Variants in NRXN2 observed in about 807,000 individuals in gnomAD.
NRXN2 encodes neurexin 2.
A neutral mutation model predicts 128.8 loss-of-function variants in NRXN2; 29 were observed. The observed-to-expected ratio is 0.23, with a 90% CI of 0.17 to 0.31. NRXN2 has a LOEUF of 0.31. Among genes scored for constraint, NRXN2 ranks in the 10% least tolerant of loss-of-function variants. The pLI is 1.00. For synonymous variants in NRXN2, 1,098 were observed against 1,075.2 expected (o/e 1.02, Z -0.41); for missense variants, 1,881 against 2,452.6 (o/e 0.77, Z 4.92).
intron 9 of NRXN2, among the ~76,000 whole-genome samples, chr11:64,663,974 G>A (rs949710866): frequency 2.6e-5 from 4 of 152,186 alleles, no homozygotes; most frequent in African/African-American, 4.8e-5. Flanking sequence ...TCCACTTAAC[G>A]GAGGTACCGA....
intron 15 of NRXN2, 141 bp downstream of exon 15, chr11:64,650,307 G>A: frequency 1.2e-6 from 1 of 836,754 alleles, no homozygotes; most frequent in Non-Finnish European, 2.0e-6. Flanking sequence ...TGTCAGGCTG[G>A]ACATAGTGGA....
chr11:64,623,085 G>A lies in NRXN2; in HGVS notation c.3848-7C>T, dbSNP rs2042605218. ...AAGATGGTCAGCTGGCGGCCTTGCA[G>A]GAGTGGAAGGGGGTGACAGAGAAGG... On this transcript the variant is annotated splice_polypyrimidine_tract_variant and splice_region_variant and intron_variant, in intron 20 of 22. Coordinates refer to ENST00000265459, the MANE Select transcript of NRXN2 (RefSeq NM_015080.4). The surrounding 1 kb of genome is among the most constrained non-coding windows in gnomAD (Gnocchi z 4.9). The A allele has an allele frequency of 6.3e-7, 1 of 1,593,060 alleles. No homozygotes were observed. Among genetic ancestry groups the A allele is most frequent in the Non-Finnish European group, 8.6e-7 (1 of 1,168,948 alleles).
Position 64,713,440 on chromosome 11 carries a change from A to G in NRXN2, c.260T>C (p.Leu87Pro). 1.3e-6 allele frequency: 2 copies of G among 1,515,730 alleles called. No individual in the cohort carries two copies. The highest frequency in any genetic ancestry group is 1.8e-6 in the Non-Finnish European group (2 of 1,139,994). The allele number at this position is 1,515,730 out of a possible 1,614,324, so 93.9% of individuals were successfully genotyped here. A position where few individuals can be genotyped will look rare whatever the true frequency, so the allele number is the denominator to read the frequency against. ...GCACGAAAGCGTGAAGCGCAGCCGCAGGCGGCCGTCCACCAGCAGCAGCTC... is the reference window on the plus strand; with the variant it reads ...GCACGAAAGCGTGAAGCGCAGCCGCGGGCGGCCGTCCACCAGCAGCAGCTC... ...FLELLLVDGR[L>P]RLRFTLSCAE... Residue 87 changes from leucine to proline, a missense_variant, in exon 2 of 23, where the codon CTG (leucine) becomes CCG (proline). Coordinates refer to ENST00000265459, the MANE Select transcript of NRXN2 (RefSeq NM_015080.4).
chr11:64,706,454 A>G (rs997044341), intron 2 of NRXN2, among the ~76,000 whole-genome samples: 1 of 151,402 alleles, frequency 6.6e-6, no homozygotes, highest in Admixed American at 6.6e-5. Context: ...TAGTTTGCTG[A>G]GAATGATGGT....
chr11:64,660,686 A>T lies in NRXN2; in HGVS notation c.2185+67T>A. ...AGGTGGCACAGGGATGGAAAGTAGG[A>T]GTCACCCTGAGAAGGAGGAGCACAG... On this transcript the variant is annotated intron_variant, in intron 10 of 22. Transcript: ENST00000265459. This position sits in a 1 kb window ranked among gnomAD's most constrained non-coding sequence, Gnocchi z 5.2. 2 of 1,599,476 alleles carry T rather than the reference A, an allele frequency of 1.3e-6. No individual in the cohort carries two copies. The highest frequency in any genetic ancestry group is 1.7e-6 in the Non-Finnish European group (2 of 1,176,392).
At chr11:64,692,003 G>A (rs1291910624) in intron 4 of NRXN2, among the ~76,000 whole-genome samples, 2 of 152,224 alleles carry the variant, frequency 1.3e-5, no homozygotes, top group African/African-American at 2.4e-5. Context: ...TGACAGCAGA[G>A]GGCTAGAGGA....
intron 7 of NRXN2, among the ~76,000 whole-genome samples, chr11:64,674,118 C>T (rs1296200290): frequency 6.6e-6 from 1 of 151,552 alleles, no homozygotes; most frequent in Non-Finnish European, 1.5e-5. Flanking sequence ...GGCTCATGCA[C>T]TCTTCCCATC....
chr11:64,661,047 G>C lies in NRXN2; in HGVS notation c.1891C>G (p.Leu631Val). 6.2e-7 allele frequency: 1 copy of C among 1,613,534 alleles called. No individual in the cohort carries two copies. Among genetic ancestry groups the C allele is most frequent in the Non-Finnish European group, 8.5e-7 (1 of 1,180,016 alleles). The change falls in exon 10 of 23, where the codon CTC becomes GTC. Residue 631 changes from leucine (L) to valine (V), a missense_variant. Leu to Val is a conservative substitution (Grantham distance 32). Around this residue, in one of 7 missense-constraint regions of NRXN2, gnomAD observed 997 missense variants for 1,240.8 expected, o/e 0.80. Coordinates refer to ENST00000265459, the MANE Select transcript of NRXN2 (RefSeq NM_015080.4). Reference sequence around the variant, plus strand: ...AGGTCCACCCGGCCCCCCTCAGGGAGACCGCCCAGGTACAGCTCACTCTCC... The same window carrying C: ...AGGTCCACCCGGCCCCCCTCAGGGACACCGCCCAGGTACAGCTCACTCTCC... ...DLESELYLGG[L>V]PEGGRVDLPL...
intron 5 of NRXN2, 148 bp from the exon 6 acceptor site, chr11:64,686,095 C>T (rs1330306400): frequency 7.4e-6 from 6 of 808,822 alleles, no homozygotes; most frequent in East Asian, 5.3e-5. Flanking sequence ...CCTTTCCCTC[C>T]CTCGGCCTGT....
chr11:64,607,607 C>T lies in NRXN2; in HGVS notation c.4728G>A (p.Glu1576=). 1 of 1,536,742 alleles carries T rather than the reference C, an allele frequency of 6.5e-7. No homozygotes were observed. The highest frequency in any genetic ancestry group is 8.7e-7 in the Non-Finnish European group (1 of 1,144,350). Residue 1576 remains glutamate, a synonymous_variant, in exon 23 of 23, where the codon GAG becomes GAA. Transcript: ENST00000265459. ...GGGCCCCGGGCCCCAAGGGCGGGTT[C>T]TCCAGCAAGGGCTGAAGCGGGTCTC... The part of the protein sequence containing the change: ...NHRDPLQPLL[E]NPPLGPGAPT...
chr11:64,628,012 T>C (rs560954370), intron 19 of NRXN2, among the ~76,000 whole-genome samples: 1 of 152,132 alleles, frequency 6.6e-6, no homozygotes, highest in Non-Finnish European at 1.5e-5. Context: ...GCTTTCCCTA[T>C]AGATTCAGGA....
At chr11:64,691,501 A>T (rs532933851) in intron 4 of NRXN2, among the ~76,000 whole-genome samples, 1 of 152,208 alleles carries the variant, frequency 6.6e-6, no homozygotes, top group Non-Finnish European at 1.5e-5. Flanking sequence ...GATGAAGGGG[A>T]AAAGTCTCTA....
chr11:64,648,346 G>C lies in NRXN2; in HGVS notation c.3284-8C>G. On this transcript the variant is annotated splice_region_variant and splice_polypyrimidine_tract_variant and intron_variant, in intron 16 of 22. Transcript: ENST00000265459. This position sits in a 1 kb window ranked among gnomAD's most constrained non-coding sequence, Gnocchi z 4.1. Reference sequence around the variant, plus strand: ...TGCAGGTGGTGCTGGGGCCTGGAAGGGGCAGGAGAAAGGAACACCCCTGGC... The same window carrying C: ...TGCAGGTGGTGCTGGGGCCTGGAAGCGGCAGGAGAAAGGAACACCCCTGGC... 6.2e-7 allele frequency: 1 copy of C among 1,614,132 alleles called. No individual in the cohort carries two copies. Among genetic ancestry groups the C allele is most frequent in the Non-Finnish European group, 8.5e-7 (1 of 1,180,014 alleles).
intron 17 of NRXN2, among the ~76,000 whole-genome samples, chr11:64,643,827 G>A (rs547528083): frequency 4.3e-4 from 66 of 152,128 alleles, no homozygotes; most frequent in African/African-American, 1.6e-3. Flanking sequence ...GCTGAATAAT[G>A]GAACGGGATT....
chr11:64,705,931 T>C lies in NRXN2; in HGVS notation c.730+7039A>G, dbSNP rs977705056. On this transcript the variant is annotated intron_variant, in intron 2 of 22. Transcript: ENST00000265459. ...CCACCACAACTGCCACTACCCTTCC[T>C]TGCCACTCCCCAAGACAACCAAGGC... is the stretch of plus-strand genomic sequence containing the variant. 2.7e-5 allele frequency among the ~76,000 whole-genome samples: 4 copies of C among 146,220 alleles called. No homozygotes were observed. The South Asian group carries it at 8.5e-4, about 31-fold the overall frequency.
chr11:64,649,016 T>A (rs555452730), intron 15 of NRXN2, 109 bp from the exon 16 acceptor site: 1 of 1,142,934 alleles, frequency 8.7e-7, no homozygotes, highest in African/African-American at 1.5e-5. Context: ...CTGCGTTCCA[T>A]CCCAGATTCC....
In NRXN2 at chr11:64,631,799, C is replaced by T. The variant is rs1415752454; in HGVS notation, c.3586-1226G>A. Among the ~76,000 whole-genome samples the T allele has an allele frequency of 6.6e-6, 1 of 152,116 alleles. No homozygotes were observed. Among genetic ancestry groups the T allele is most frequent in the African/African-American group, 2.4e-5 (1 of 41,388 alleles). ...TACCTTCAACACCAAAGGCATCTAA[C>T]CAAGCCAACGAAGGCCCATTAGGTA... On this transcript the variant is annotated intron_variant, in intron 18 of 22. Transcript: ENST00000265459. The surrounding 1 kb of genome is among the most constrained non-coding windows in gnomAD (Gnocchi z 4.8).
chr11:64,646,749 A>T (rs2046734648), intron 17 of NRXN2, among the ~76,000 whole-genome samples: 1 of 152,240 alleles, frequency 6.6e-6, no homozygotes, highest in African/African-American at 2.4e-5. Flanking sequence ...AGATCTGTGC[A>T]AAACTGAGTT....
chr11:64,713,651 G>C lies in NRXN2; in HGVS notation c.49C>G (p.Leu17Val), dbSNP rs797045802. 1.7e-4 allele frequency: 205 copies of C among 1,222,518 alleles called. No homozygotes were observed. The highest frequency in any genetic ancestry group is 2.0e-4 in the Non-Finnish European group (196 of 977,708). 75.7% of individuals were successfully genotyped at this position (1,222,518 alleles called of 1,614,324 possible). A position where few individuals can be genotyped will look rare whatever the true frequency, so the allele number is the denominator to read the frequency against. Residue 17 changes from leucine to valine, a missense_variant, in exon 2 of 23, where the codon CTG becomes GTG. Leu to Val is a conservative substitution (Grantham distance 32, BLOSUM62 1). Transcript: ENST00000265459. ...WRPTPPPLLL[L>V]LLLALAARAD... ...CGCGCCGCCAGCGCCAGCAGCAGCA[G>C]CAACAGCAGCGGCGGCGGTGTCGGC... is the stretch of plus-strand genomic sequence containing the variant.
Sources: allele counts gnomAD v4.1 joint callset (sites outside exome capture counted in the v4.1 genomes callset), GRCh38; gene constraint gnomAD v4.1.1; regional missense constraint gnomAD v4.1.1; non-coding constraint Gnocchi (gnomAD v3.1); transcripts MANE v1.5; gene names NCBI Gene and HGNC (gene_info 2026-07-23, HGNC 2026-07-21).